DPH6: variants seen among roughly 807,000 people sequenced by gnomAD.
DPH6 encodes the protein diphthamine biosynthesis 6.
Under a neutral mutation model 38.2 loss-of-function variants are expected in DPH6, and 33 were observed. The observed-to-expected ratio is 0.86, with a 90% CI of 0.65 to 1.15. DPH6 has a LOEUF of 1.15. DPH6 is among the 50% of genes most tolerant of loss of function. The pLI is 0.00. For missense variants in DPH6, 325 were observed against 320.0 expected (o/e 1.02, Z -0.12); for synonymous variants, 108 against 103.0 (o/e 1.05, Z -0.30).
intron 6 of DPH6, among the ~76,000 whole-genome samples, chr15:35,399,855 C>T (rs922628022): frequency 6.6e-6 from 1 of 152,168 alleles, no homozygotes; most frequent in East Asian, 1.9e-4. Context: ...CAAAAATTTA[C>T]GCCCATGGGT....
At chr15:35,428,435 CTT>C (rs2053594852) in intron 5 of DPH6, among the ~76,000 whole-genome samples, 2 of 151,818 alleles carry the variant, frequency 1.3e-5, no homozygotes, top group African/African-American at 4.8e-5. Context: ...AAAAAGCAAA[CTT>C]AGTCTACAGC....
intron 3 of DPH6, among the ~76,000 whole-genome samples, chr15:35,346,299 A>AAT (rs375654362): frequency 2.2e-4 from 33 of 152,162 alleles, no homozygotes; most frequent in Middle Eastern, 3.4e-3. Flanking sequence ...TACTCTTGGA[A>AAT]GTGTGTGAAG....
chr15:35,289,094 A>G (rs1296447702), intron 3 of DPH6, among the ~76,000 whole-genome samples: 4 of 151,498 alleles, frequency 2.6e-5, no homozygotes, highest in Non-Finnish European at 5.9e-5. Flanking sequence ...AATCAAACTT[A>G]TCATTTCTAT....
intron 3 of DPH6, among the ~76,000 whole-genome samples, chr15:35,334,855 C>T (rs935934889): frequency 1.1e-4 from 16 of 152,098 alleles, no homozygotes; most frequent in African/African-American, 3.6e-4. Context: ...GTGAATTGTG[C>T]TGCAATGAAC....
At chr15:35,295,045 G>C (rs796910938) in intron 3 of DPH6, among the ~76,000 whole-genome samples, 27 of 152,210 alleles carry the variant, frequency 1.8e-4, no homozygotes, top group African/African-American at 6.3e-4. Flanking sequence ...CACCCTGCTC[G>C]CAGGGAGGCT....
chr15:35,403,115 T>C (rs2053243740), intron 6 of DPH6, among the ~76,000 whole-genome samples: 1 of 152,058 alleles, frequency 6.6e-6, no homozygotes, highest in Admixed American at 6.6e-5. Flanking sequence ...TACACAAGTG[T>C]TTAACTACAT....
chr15:35,289,847 A>G (rs998878546), intron 3 of DPH6, among the ~76,000 whole-genome samples: 1 of 152,258 alleles, frequency 6.6e-6, no homozygotes, highest in African/African-American at 2.4e-5. Context: ...TAGAAAATGT[A>G]GTAAATATAA....
intron 3 of DPH6, among the ~76,000 whole-genome samples, chr15:35,222,812 G>A (rs758022698): frequency 1.3e-5 from 2 of 152,068 alleles, no homozygotes; most frequent in African/African-American, 2.4e-5. Context: ...ACATTGCCAG[G>A]GTGAAATTCA....
the DPH6 span, among the ~76,000 whole-genome samples, chr15:35,157,241 A>G: frequency 6.6e-6 from 1 of 152,192 alleles, no homozygotes; most frequent in South Asian, 2.1e-4. Context: ...ATTAATGAAG[A>G]AAATCAAGTT....
intron 3 of DPH6, among the ~76,000 whole-genome samples, chr15:35,332,999 A>C (rs1205794987): frequency 2.0e-5 from 3 of 152,120 alleles, no homozygotes; most frequent in African/African-American, 7.2e-5. Flanking sequence ...AGTTCACTTC[A>C]AATGAGCAGT....
intron 3 of DPH6, among the ~76,000 whole-genome samples, chr15:35,279,791 T>C (rs1023828092): frequency 3.9e-5 from 6 of 152,158 alleles, no homozygotes; most frequent in African/African-American, 1.2e-4. Flanking sequence ...TACTTCTTCA[T>C]AGTGTTGCAA....
At chr15:35,532,609 G>C (rs919999004) in intron 3 of DPH6, among the ~76,000 whole-genome samples, 3 of 152,198 alleles carry the variant, frequency 2.0e-5, no homozygotes, top group African/African-American at 7.2e-5. Flanking sequence ...ACAAGTTTGT[G>C]TAGGAAGATA....
chr15:35,289,789 G>C (rs2051967752), intron 3 of DPH6, among the ~76,000 whole-genome samples: 1 of 152,118 alleles, frequency 6.6e-6, no homozygotes, highest in Non-Finnish European at 1.5e-5. Context: ...ACAAAATAAA[G>C]GTTTTAAATA....
At chr15:35,195,206 A>C in the DPH6 span, among the ~76,000 whole-genome samples, 1 of 152,112 alleles carries the variant, frequency 6.6e-6, no homozygotes, top group East Asian at 1.9e-4. Flanking sequence ...ACTTAACACA[A>C]TGACCTTCAG....
intron 5 of DPH6, among the ~76,000 whole-genome samples, chr15:35,421,899 T>G (rs2053509775): frequency 6.6e-6 from 1 of 151,820 alleles, no homozygotes; most frequent in Non-Finnish European, 1.5e-5. Flanking sequence ...AGAAGGCAAA[T>G]AAACAAGGTG....
rs545131274 is a variant in DPH6 at position 35,459,858 on chromosome 15, G to A, written c.313-5038C>T. ...AACAACATTACCAAGTACCCAGTAT[G>A]CACTAAGATTTATGTTAGGTACTTT... On this transcript the variant is annotated intron_variant, in intron 3 of 8. Transcript: ENST00000256538. 2.6e-5 allele frequency among the ~76,000 whole-genome samples: 4 copies of A among 152,282 alleles called. No individual in the cohort carries two copies. In the East Asian group the frequency reaches 7.7e-4, roughly 29 times the overall value.
intron 3 of DPH6, among the ~76,000 whole-genome samples, chr15:35,268,361 G>A (rs1003772091): frequency 6.6e-6 from 1 of 151,934 alleles, no homozygotes; most frequent in Non-Finnish European, 1.5e-5. Context: ...ATATAATGTG[G>A]TAAGAATAGC....
At chr15:35,484,409 G>A (rs899577754) in intron 3 of DPH6, among the ~76,000 whole-genome samples, 2 of 152,212 alleles carry the variant, frequency 1.3e-5, no homozygotes, top group Non-Finnish European at 2.9e-5. Context: ...CAGTCATGCT[G>A]TCAGCCAGGG....
intron 3 of DPH6, among the ~76,000 whole-genome samples, chr15:35,271,019 T>C (rs2051818944): frequency 6.6e-6 from 1 of 152,196 alleles, no homozygotes; most frequent in South Asian, 2.1e-4. Flanking sequence ...TGCATGTTTT[T>C]AGTTATTGGT....
Sources: gnomAD v4.1 joint callset for allele counts (sites outside exome capture counted in the v4.1 genomes callset) on GRCh38, gnomAD v4.1.1 for gene constraint, MANE v1.5 for transcripts, NCBI Gene and HGNC (gene_info 2026-07-23, HGNC 2026-07-21) for gene names.